The following TENM1 variants were observed in gnomAD, a reference collection of about 807,000 sequenced individuals.
The protein encoded by TENM1 is teneurin transmembrane protein 1.
A neutral mutation model predicts 174.8 loss-of-function variants in TENM1; 35 were observed. That is an observed-to-expected ratio of 0.20 (90% confidence interval 0.15 to 0.27). The LOEUF is 0.27. Ranked by LOEUF, TENM1 falls within the 10% of genes least tolerant of loss-of-function variation. The pLI is 1.00. For synonymous variants in TENM1, 781 were observed against 798.7 expected (o/e 0.98, Z 0.37); for missense variants, 1,633 against 2,130.1 (o/e 0.77, Z 4.59).
chrX:125,015,146 T>C, the TENM1 span, among the ~76,000 whole-genome samples: 1 of 111,685 alleles, frequency 9.0e-6, no homozygotes, highest in Non-Finnish European at 1.9e-5. Context: ...GAGCAGGCTG[T>C]CAGCAGATTG....
the TENM1 span, among the ~76,000 whole-genome samples, chrX:125,036,745 A>G: frequency 8.9e-6 from 1 of 111,850 alleles, no homozygotes; most frequent in Non-Finnish European, 1.9e-5. Context: ...CAGCGGTACC[A>G]TCAGGCTTCC....
At chrX:124,604,898 G>A (rs746795286) in intron 11 of TENM1, among the ~76,000 whole-genome samples, 3 of 108,956 alleles carry the variant, frequency 2.8e-5, no homozygotes, top group Admixed American at 9.9e-5. Flanking sequence ...TTAAATAGAC[G>A]ACGTTTATGA....
the TENM1 span, among the ~76,000 whole-genome samples, chrX:125,082,691 C>T: frequency 9.0e-6 from 1 of 111,215 alleles, no homozygotes; most frequent in African/African-American, 3.3e-5. Flanking sequence ...AAAATAGTAT[C>T]CAGGTGCATT....
chrX:124,458,147 G>T lies in TENM1; in HGVS notation c.3950-4656C>A, dbSNP rs1376784827. ...AAGGAGAATTTTTCTTTGTTCATGT[G>T]CATTCCAATTCTCTGAAAATTGGTA... On this transcript the variant is annotated intron_variant, in intron 22 of 31. Transcript: ENST00000422452. 2.1e-4 allele frequency among the ~76,000 whole-genome samples: 24 copies of T among 111,857 alleles called. No individual in the cohort carries two copies. In the Admixed American group the frequency reaches 2.3e-3, roughly 11 times the overall value.
chrX:124,920,586 A>C (rs746003993), intron 1 of TENM1, among the ~76,000 whole-genome samples: 2 of 111,470 alleles, frequency 1.8e-5, no homozygotes, highest in East Asian at 5.6e-4. Context: ...ATTTTATTAG[A>C]TTCTCATAAA....
the TENM1 span, among the ~76,000 whole-genome samples, chrX:124,969,960 A>G: frequency 0.34 from 37,404 of 110,457 alleles, 4,648 homozygotes; most frequent in Admixed American, 0.43. Flanking sequence ...GAGTATAAAG[A>G]CCATGTTTAC....
intron 11 of TENM1, among the ~76,000 whole-genome samples, chrX:124,588,779 C>G (rs1336212890): frequency 1.8e-5 from 2 of 112,051 alleles, no homozygotes; most frequent in Non-Finnish European, 3.8e-5. Flanking sequence ...AGTCCTGTAT[C>G]AGTTCCAGGA....
At chrX:124,473,778 T>C (rs2061360134) in intron 22 of TENM1, among the ~76,000 whole-genome samples, 1 of 111,655 alleles carries the variant, frequency 9.0e-6, no homozygotes, top group Non-Finnish European at 1.9e-5. Context: ...GAAGAATTAA[T>C]ATGCTGCTCT....
At chrX:124,584,921 G>T (rs2049451969) in intron 11 of TENM1, among the ~76,000 whole-genome samples, 1 of 109,439 alleles carries the variant, frequency 9.1e-6, no homozygotes, top group African/African-American at 3.4e-5. Context: ...AACCAACAAA[G>T]ATCAAAAGAG....
At chrX:124,461,060 T>C (rs1241392912) in intron 22 of TENM1, among the ~76,000 whole-genome samples, 1 of 112,340 alleles carries the variant, frequency 8.9e-6, no homozygotes, top group Non-Finnish European at 1.9e-5. Context: ...TTCAAAGGTA[T>C]TCTGTGGCTT....
At chrX:125,016,540 A>G in the TENM1 span, among the ~76,000 whole-genome samples, 1 of 111,306 alleles carries the variant, frequency 9.0e-6, no homozygotes, top group African/African-American at 3.3e-5. Flanking sequence ...AGAACTACAA[A>G]CCACTGCTCA....
intron 14 of TENM1, among the ~76,000 whole-genome samples, chrX:124,561,201 A>G (rs2048811879): frequency 8.9e-6 from 1 of 111,921 alleles, no homozygotes; most frequent in African/African-American, 3.2e-5. Context: ...CAACTTGAAT[A>G]GTGGTATGTT....
chrX:124,541,749 G>A lies in TENM1; in HGVS notation c.2651+5125C>T, dbSNP rs193285780. ...TGTGTTAGGATCTGGGGATACAGTG[G>A]TATCATAGATTAAAGGTGGCCAAAA... is the stretch of plus-strand genomic sequence containing the variant. On this transcript the variant is annotated intron_variant, in intron 15 of 31. Coordinates refer to ENST00000422452, the Ensembl canonical transcript of TENM1. Among the ~76,000 whole-genome samples the A allele has an allele frequency of 1.1e-4, 12 of 111,962 alleles. No homozygotes were observed. In the East Asian group the frequency reaches 3.4e-3, roughly 32 times the overall value.
intron 3 of TENM1, among the ~76,000 whole-genome samples, chrX:124,814,596 C>T (rs749263733): frequency 1.8e-5 from 2 of 111,155 alleles, no homozygotes; most frequent in Non-Finnish European, 3.8e-5. Context: ...ATTGGTGTTG[C>T]TCCCTGTTGT....
At chrX:124,421,725 C>T (rs967452767) in intron 24 of TENM1, among the ~76,000 whole-genome samples, 2 of 110,111 alleles carry the variant, frequency 1.8e-5, no homozygotes, top group Non-Finnish European at 3.8e-5. Context: ...GTCCTGAGAA[C>T]TCTCCATTGC....
intron 3 of TENM1, among the ~76,000 whole-genome samples, chrX:124,753,806 T>C (rs1391792657): frequency 8.9e-6 from 1 of 112,154 alleles, no homozygotes; most frequent in Non-Finnish European, 1.9e-5. Flanking sequence ...GATTTGCGTC[T>C]ATCGAACCAG....
At chrX:124,829,501 G>A (rs1282554481) in intron 3 of TENM1, among the ~76,000 whole-genome samples, 1 of 111,829 alleles carries the variant, frequency 8.9e-6, no homozygotes, top group Non-Finnish European at 1.9e-5. Flanking sequence ...ATGGTTAAGA[G>A]GGTCACACCC....
At chrX:124,409,344 C>T (rs2060503096) in intron 25 of TENM1, among the ~76,000 whole-genome samples, 1 of 110,092 alleles carries the variant, frequency 9.1e-6, no homozygotes, top group South Asian at 4.0e-4. Flanking sequence ...TAAAAACTCT[C>T]AATAAATTAG....
chrX:124,823,873 T>C (rs2056096192), intron 3 of TENM1, among the ~76,000 whole-genome samples: 1 of 111,774 alleles, frequency 8.9e-6, no homozygotes, highest in Admixed American at 9.5e-5. Context: ...TCTCATTGAT[T>C]TAAAACATAA....
Sources: allele counts gnomAD v4.1 joint callset (sites outside exome capture counted in the v4.1 genomes callset), GRCh38; gene constraint gnomAD v4.1.1; transcripts MANE v1.5; gene names NCBI Gene and HGNC (gene_info 2026-07-23, HGNC 2026-07-21).